MACROD1: variants seen among roughly 807,000 people sequenced by gnomAD.
MACROD1 encodes ADP-ribose glycohydrolase MACROD1.
Under a neutral mutation model 41.4 loss-of-function variants are expected in MACROD1, and 31 were observed. That is an observed-to-expected ratio of 0.75 (90% CI 0.56 to 1.01). The LOEUF is 1.01. Ranked by LOEUF, MACROD1 falls within the 50% of genes least tolerant of loss-of-function variation. The pLI is 0.00. For missense variants in MACROD1, 473 were observed against 460.0 expected, an observed-to-expected ratio of 1.03 and a Z score of -0.26; for synonymous variants, 252 against 203.4, an observed-to-expected ratio of 1.24 and a Z score of -2.03.
intron 3 of MACROD1, among the ~76,000 whole-genome samples, chr11:64,137,467 T>C (rs1945348749): frequency 6.6e-6 from 1 of 152,218 alleles, no homozygotes; most frequent in Admixed American, 6.5e-5. Flanking sequence ...TTAAATTGAC[T>C]TCCAAGCTTG....
At chr11:64,121,040 C>A (rs1387986933) in intron 3 of MACROD1, among the ~76,000 whole-genome samples, 1 of 152,214 alleles carries the variant, frequency 6.6e-6, no homozygotes, top group Non-Finnish European at 1.5e-5. Context: ...ACCGTGAGAG[C>A]TGCCTGGGAA....
intron 8 of MACROD1, 45 bp from the exon 9 acceptor site, chr11:63,999,081 C>A: frequency 2.0e-6 from 3 of 1,534,534 alleles, no homozygotes; most frequent in Non-Finnish European, 2.6e-6. Context: ...CCACGCCTGG[C>A]CCCAGGATCC....
intron 3 of MACROD1, among the ~76,000 whole-genome samples, chr11:64,063,479 T>C (rs1176523573): frequency 6.6e-6 from 1 of 151,932 alleles, no homozygotes; most frequent in African/African-American, 2.4e-5. Flanking sequence ...GGATGAACAG[T>C]TCATCAAGGG....
At chr11:64,081,858 G>A (rs12575710) in intron 3 of MACROD1, 29,199 of 151,954 alleles carry the variant, frequency 0.19, 3,445 homozygotes, top group East Asian at 0.47. Flanking sequence ...GACTGAGGCC[G>A]TGGTTCCAGT....
chr11:64,038,490 C>T (rs572976167), intron 3 of MACROD1, among the ~76,000 whole-genome samples: 2 of 152,150 alleles, frequency 1.3e-5, no homozygotes, highest in African/African-American at 2.4e-5. Context: ...TGTTGAGGGA[C>T]GGAGAGGTGG....
intron 3 of MACROD1, among the ~76,000 whole-genome samples, chr11:64,114,949 A>C (rs1344767680): frequency 6.6e-6 from 1 of 152,174 alleles, no homozygotes; most frequent in African/African-American, 2.4e-5. Flanking sequence ...AAGGACAGAG[A>C]AGACAGAAAG....
intron 4 of MACROD1, among the ~76,000 whole-genome samples, chr11:64,010,422 G>A (rs1299769810): frequency 7.3e-6 from 1 of 136,140 alleles, no homozygotes; most frequent in East Asian, 2.3e-4. Flanking sequence ...TGTTGGTTGA[G>A]ATGTTGGCTG....
In MACROD1 at chr11:64,152,358, C is replaced by T; in HGVS notation, c.334G>A (p.Glu112Lys). ...ACAAAGTCCTTGCAGAAGTAATGTT[C>T]CTCCCGCTGCTTGTCACTCAGGCCC... Reference protein sequence around the residue: ...LKGLSDKQREEHYFCKDFVRL... With the variant: ...LKGLSDKQREKHYFCKDFVRL... Residue 112 changes from glutamate (E) to lysine (K), a missense_variant, in exon 2 of 11, where the codon GAA becomes AAA. By Grantham distance (56) the Glu-to-Lys change is moderately conservative. Coordinates refer to ENST00000255681, the MANE Select transcript of MACROD1 (RefSeq NM_014067.4). 14 of 1,614,250 alleles carry T rather than the reference C, an allele frequency of 8.7e-6. No homozygotes were observed. Among genetic ancestry groups the T allele is most frequent in the Non-Finnish European group, 1.2e-5 (14 of 1,180,038 alleles).
At chr11:64,136,483 A>G (rs936611359) in intron 3 of MACROD1, among the ~76,000 whole-genome samples, 7 of 152,202 alleles carry the variant, frequency 4.6e-5, no homozygotes, top group African/African-American at 1.7e-4. Context: ...GGCAGCTGCA[A>G]GGCTGGGCCC....
chr11:64,038,602 G>GC (rs1333636596), intron 3 of MACROD1, among the ~76,000 whole-genome samples: 1 of 152,286 alleles, frequency 6.6e-6, no homozygotes, highest in East Asian at 1.9e-4. Flanking sequence ...AGCCACCTCT[G>GC]CCCAGTCATG....
chr11:64,005,628 C>A (rs1197044658), intron 4 of MACROD1, among the ~76,000 whole-genome samples: 4 of 152,242 alleles, frequency 2.6e-5, no homozygotes, highest in African/African-American at 4.8e-5. Context: ...TCTGGCTCAA[C>A]CTCACGCCTC....
chr11:64,095,926 C>G (rs1286870363), intron 3 of MACROD1, among the ~76,000 whole-genome samples: 4 of 152,156 alleles, frequency 2.6e-5, no homozygotes, highest in African/African-American at 9.7e-5. Flanking sequence ...AGCCTGGGTT[C>G]TCTGACAGCT....
chr11:64,027,164 T>G (rs2134357857), intron 3 of MACROD1, among the ~76,000 whole-genome samples: 2 of 152,116 alleles, frequency 1.3e-5, no homozygotes, highest in South Asian at 4.2e-4. Context: ...GGGTTAGCAG[T>G]GGGGAAGGGG....
At chr11:64,097,551 C>T (rs1294567132) in intron 3 of MACROD1, among the ~76,000 whole-genome samples, 2 of 152,250 alleles carry the variant, frequency 1.3e-5, no homozygotes, top group Non-Finnish European at 2.9e-5. Flanking sequence ...GCACAGACTC[C>T]TGAAGCCACC....
At chr11:64,014,124 G>T (rs1182422325) in intron 4 of MACROD1, among the ~76,000 whole-genome samples, 2 of 152,174 alleles carry the variant, frequency 1.3e-5, no homozygotes, top group Non-Finnish European at 2.9e-5. Context: ...GGCACACAGG[G>T]GTGATCAATG....
At chr11:64,009,373 G>C (rs1942966578) in intron 4 of MACROD1, among the ~76,000 whole-genome samples, 1 of 152,304 alleles carries the variant, frequency 6.6e-6, no homozygotes, top group African/African-American at 2.4e-5. Flanking sequence ...AAGCCTTCCT[G>C]AAGCAGACAC....
At chr11:64,161,102 C>T (rs11601577) in intron 1 of MACROD1, among the ~76,000 whole-genome samples, 25,122 of 151,806 alleles carry the variant, frequency 0.17, 2,335 homozygotes, top group Admixed American at 0.28. Context: ...ACCCAAGAAA[C>T]GGAGGTTGCA....
chr11:64,164,443 G>C (rs185650590), intron 1 of MACROD1, among the ~76,000 whole-genome samples: 2 of 152,348 alleles, frequency 1.3e-5, no homozygotes, highest in East Asian at 1.9e-4. Context: ...TGTCCTCTGA[G>C]AGAGTGCTCA....
At chr11:64,132,396 C>G (rs1945278155) in intron 3 of MACROD1, among the ~76,000 whole-genome samples, 1 of 131,266 alleles carries the variant, frequency 7.6e-6, no homozygotes, top group Non-Finnish European at 1.5e-5. Context: ...TAGCTTTCTC[C>G]TGGATCAGGG....
Sources: gnomAD v4.1 joint callset for allele counts (sites outside exome capture counted in the v4.1 genomes callset) on GRCh38, gnomAD v4.1.1 for gene constraint, MANE v1.5 for transcripts, NCBI Gene and HGNC (gene_info 2026-07-23, HGNC 2026-07-21) for gene names.